BMPR1B: variants seen among roughly 807,000 people sequenced by gnomAD.
BMPR1B encodes the protein bone morphogenetic protein receptor type-1B.
BMPR1B carries 12 observed loss-of-function variants against 59.1 expected under a neutral mutation model. That is an observed-to-expected ratio of 0.20 (90% CI 0.13 to 0.33). BMPR1B has a LOEUF of 0.33. Ranked by LOEUF, BMPR1B falls within the 10% of genes least tolerant of loss-of-function variation. The probability of loss-of-function intolerance (pLI) is 1.00; values close to 1 mark genes in which losing one functional copy is unlikely to be tolerated. For missense variants in BMPR1B, 550 were observed against 610.9 expected (o/e 0.90, Z 1.05); for synonymous variants, 237 against 207.3 (o/e 1.14, Z -1.23).
chr4:95,069,388 A>G (rs780834806), intron 3 of BMPR1B, among the ~76,000 whole-genome samples: 1 of 152,174 alleles, frequency 6.6e-6, no homozygotes, highest in Non-Finnish European at 1.5e-5. Context: ...TTGCTGGACA[A>G]ACTGGCACCT....
intron 4 of BMPR1B, among the ~76,000 whole-genome samples, chr4:95,113,797 C>T (rs1303388244): frequency 2.0e-5 from 3 of 152,020 alleles, no homozygotes; most frequent in Non-Finnish European, 2.9e-5. Context: ...ATTCAAGGCC[C>T]AGTTCCATAA....
intron 10 of BMPR1B, among the ~76,000 whole-genome samples, chr4:95,138,803 T>G (rs2149312810): frequency 6.6e-6 from 1 of 152,310 alleles, no homozygotes; most frequent in African/African-American, 2.4e-5. Context: ...TAGTTAGCCA[T>G]TCGTCTAATC....
At chr4:94,846,814 C>A (rs928187296) in intron 1 of BMPR1B, among the ~76,000 whole-genome samples, 4 of 148,370 alleles carry the variant, frequency 2.7e-5, no homozygotes, top group Non-Finnish European at 5.9e-5. Flanking sequence ...AGATTAAAGA[C>A]AAATCTGACA....
chr4:94,929,667 C>T (rs184733111), intron 2 of BMPR1B, among the ~76,000 whole-genome samples: 186 of 152,174 alleles, frequency 1.2e-3, no homozygotes, highest in Non-Finnish European at 2.0e-3. Flanking sequence ...TAGCCCTATT[C>T]TGGCTCATTC....
chr4:94,783,648 G>GCCTC (rs1240021896), intron 1 of BMPR1B, among the ~76,000 whole-genome samples: 1 of 152,218 alleles, frequency 6.6e-6, no homozygotes, highest in African/African-American at 2.4e-5. Flanking sequence ...TGAGATGGTA[G>GCCTC]CCTCTGGTCT....
At chr4:95,011,114 G>A (rs1448134056) in intron 3 of BMPR1B, among the ~76,000 whole-genome samples, 1 of 151,714 alleles carries the variant, frequency 6.6e-6, no homozygotes, top group African/African-American at 2.4e-5. Flanking sequence ...AGATTCGGGA[G>A]TACATGTGAA....
At chr4:94,929,146 A>T (rs1728999015) in intron 2 of BMPR1B, among the ~76,000 whole-genome samples, 1 of 152,118 alleles carries the variant, frequency 6.6e-6, no homozygotes, top group Non-Finnish European at 1.5e-5. Context: ...TTAATCCAGT[A>T]AGTGTCCCAC....
At position 95,019,851 on chromosome 4, in the gene BMPR1B, C is replaced by A. The variant is rs138530265; in HGVS notation, c.-18+23717C>A. The stretch of plus-strand genomic sequence containing the variant: ...CTAGCTGTTTAAGTTAGACCAAAAT[C>A]AAAATAAATCGTCCTCAAGTGGTGA... On this transcript the variant is annotated intron_variant, in intron 3 of 12. Coordinates refer to ENST00000515059, the MANE Select transcript of BMPR1B (RefSeq NM_001203.3). Among the ~76,000 whole-genome samples, 513 of 152,118 alleles carry A rather than the reference C, an allele frequency of 3.4e-3. 3 individuals carry two copies. The highest frequency in any genetic ancestry group is 0.012 in the African/African-American group (484 of 41,496).
At chr4:95,135,401 A>G (rs1434990529) in intron 10 of BMPR1B, among the ~76,000 whole-genome samples, 1 of 152,100 alleles carries the variant, frequency 6.6e-6, no homozygotes, top group Non-Finnish European at 1.5e-5. Flanking sequence ...CTGTGAAGAA[A>G]GTCATTGGTA....
chr4:95,111,867 T>G (rs537390431), intron 4 of BMPR1B, among the ~76,000 whole-genome samples: 2 of 152,218 alleles, frequency 1.3e-5, no homozygotes, highest in East Asian at 3.9e-4. Flanking sequence ...TCTTTCTTTT[T>G]CATATTCTTT....
chr4:95,077,503 G>A (rs1312514637), intron 3 of BMPR1B, among the ~76,000 whole-genome samples: 1 of 152,014 alleles, frequency 6.6e-6, no homozygotes, highest in Admixed American at 6.6e-5. Context: ...TTGTTTGTTT[G>A]AGGCATACCA....
intron 2 of BMPR1B, among the ~76,000 whole-genome samples, chr4:94,954,548 A>G (rs557943177): frequency 1.6e-4 from 24 of 152,184 alleles, no homozygotes; most frequent in Admixed American, 7.2e-4. Context: ...TTGTGATGAG[A>G]ATTAGATGAG....
chr4:95,124,952 T>C (rs186944992), intron 7 of BMPR1B, 31 bp from the exon 8 acceptor site: 2 of 1,594,120 alleles, frequency 1.3e-6, no homozygotes, highest in African/African-American at 2.7e-5. Context: ...CATTTCATTA[T>C]CTAAAATTAT....
At chr4:95,129,605 AAAT>A (rs1196657770) in intron 8 of BMPR1B, among the ~76,000 whole-genome samples, 2 of 152,184 alleles carry the variant, frequency 1.3e-5, no homozygotes, top group Non-Finnish European at 2.9e-5. Context: ...TTCTCTGAGA[AAAT>A]AATAATACTA....
intron 1 of BMPR1B, among the ~76,000 whole-genome samples, chr4:94,848,151 A>G (rs746260894): frequency 1.3e-5 from 2 of 152,188 alleles, no homozygotes; most frequent in Non-Finnish European, 2.9e-5. Flanking sequence ...AGTAAATGCA[A>G]TTCTAGCCTA....
intron 10 of BMPR1B, among the ~76,000 whole-genome samples, chr4:95,138,084 T>C (rs1409237958): frequency 1.3e-5 from 2 of 152,228 alleles, no homozygotes; most frequent in Non-Finnish European, 2.9e-5. Context: ...CTTCAGGAGC[T>C]CTTGTAAGGC....
At chr4:94,851,702 A>G (rs779413997) in intron 1 of BMPR1B, among the ~76,000 whole-genome samples, 1 of 152,034 alleles carries the variant, frequency 6.6e-6, no homozygotes, top group East Asian at 1.9e-4. Context: ...TTGAATGATC[A>G]CTTGAAATTT....
chr4:94,857,667 GACTT>G (rs1263975781), intron 1 of BMPR1B, among the ~76,000 whole-genome samples: 3 of 152,146 alleles, frequency 2.0e-5, no homozygotes, highest in African/African-American at 7.2e-5. Context: ...GATTTATTAT[GACTT>G]ACTTCCCAGG....
intron 1 of BMPR1B, among the ~76,000 whole-genome samples, chr4:94,788,980 C>A (rs1445891825): frequency 6.6e-6 from 1 of 152,318 alleles, no homozygotes; most frequent in East Asian, 1.9e-4. Flanking sequence ...GTGATGAAGG[C>A]CTGGCCTTTG....
Sources: allele counts gnomAD v4.1 joint callset (sites outside exome capture counted in the v4.1 genomes callset), GRCh38; gene constraint gnomAD v4.1.1; transcripts MANE v1.5; gene names NCBI Gene and HGNC (gene_info 2026-07-23, HGNC 2026-07-21).